Variants in AKAP1 observed in about 807,000 individuals in gnomAD.
AKAP1 encodes A-kinase anchoring protein 1, also known as A-kinase anchor protein 1, mitochondrial.
AKAP1 carries 32 observed loss-of-function variants against 79.8 expected under a neutral mutation model. The ratio of observed to expected loss-of-function variants is 0.40; its 90% CI spans 0.30 to 0.54. AKAP1 has a LOEUF of 0.54. Ranked by LOEUF, AKAP1 falls within the 20% of genes least tolerant of loss-of-function variation. AKAP1 has a pLI of 0.47. For missense variants in AKAP1, 961 were observed against 1,138.9 expected, an observed-to-expected ratio of 0.84 and a Z score of 2.25; for synonymous variants, 416 against 466.7, an observed-to-expected ratio of 0.89 and a Z score of 1.40.
chr17:57,111,646 T>G, intron 3 of AKAP1, 152 bp from the exon 4 acceptor site: 1 of 950,160 alleles, frequency 1.1e-6, no homozygotes, highest in Non-Finnish European at 1.6e-6. Flanking sequence ...TGAGTAAATG[T>G]AAGTGCTTAG....
chr17:57,111,045 T>TG (rs1350699816), intron 3 of AKAP1, among the ~76,000 whole-genome samples: 1 of 152,108 alleles, frequency 6.6e-6, no homozygotes, highest in Non-Finnish European at 1.5e-5. Flanking sequence ...GTTTCCTCCC[T>TG]GGGGGGCCCT....
In AKAP1 at chr17:57,114,515, C is replaced by T. The variant is rs61731971; in HGVS notation, c.2160C>T (p.Ala720=). The T allele has an allele frequency of 5.0e-4, 801 of 1,614,176 alleles. 3 individuals carry two copies. The East Asian group carries it at 8.5e-3, about 17-fold the overall frequency. The stretch of plus-strand genomic sequence containing the variant: ...TCATTGTGGTCAACCAGGTCAATGC[C>T]GGGCACCTGTTCGTGCAGCAGCACA... ...VEVIVVNQVN[A]GHLFVQQHTH... The change falls in exon 6 of 11, where the codon GCC becomes GCT. Residue 720 remains alanine, a synonymous_variant. Coordinates refer to ENST00000337714, the MANE Select transcript of AKAP1 (RefSeq NM_003488.4).
At chr17:57,104,906 T>C (rs1164889213) in intron 1 of AKAP1, among the ~76,000 whole-genome samples, 1 of 152,234 alleles carries the variant, frequency 6.6e-6, no homozygotes, top group Non-Finnish European at 1.5e-5. Context: ...TCCTTAGCCA[T>C]TGGGAATTTT....
intron 7 of AKAP1, among the ~76,000 whole-genome samples, chr17:57,116,488 G>A (rs1915593428): frequency 6.6e-6 from 1 of 152,222 alleles, no homozygotes; most frequent in African/African-American, 2.4e-5. Context: ...TCCTTCAAAA[G>A]TGAAGCTGGG....
chr17:57,093,512 AG>A (rs748165077), intron 1 of AKAP1: 8 of 152,206 alleles, frequency 5.3e-5, no homozygotes, highest in Non-Finnish European at 1.0e-4. Context: ...TCAGCTGGGC[AG>A]CTGGGGGTCT....
rs776093014 is a variant in AKAP1 at position 57,105,824 on chromosome 17, A to G, written c.360A>G (p.Arg120=). ...ILPNTTDMRL[R]PGTRRDDSTK... ...CTAACACCACAGACATGAGATTGCGACCAGGAACACGCAGAGATGACAGTA... is the reference window on the plus strand; with the variant it reads ...CTAACACCACAGACATGAGATTGCGGCCAGGAACACGCAGAGATGACAGTA... The change falls in exon 2 of 11, where the codon CGA becomes CGG. Residue 120 remains arginine (R), a synonymous_variant. Transcript: ENST00000337714. The G allele has an allele frequency of 4.2e-5, 67 of 1,614,244 alleles. No individual in the cohort carries two copies. Among genetic ancestry groups the G allele is most frequent in the Non-Finnish European group, 5.3e-5 (62 of 1,180,048 alleles).
In AKAP1 at chr17:57,106,430, G is replaced by C; in HGVS notation, c.966G>C (p.Glu322Asp). The C allele has an allele frequency of 6.7e-7, 1 of 1,483,130 alleles. No homozygotes were observed. Among genetic ancestry groups the C allele is most frequent in the Non-Finnish European group, 9.4e-7 (1 of 1,064,088 alleles). 91.9% of individuals were successfully genotyped at this position (1,483,130 alleles called of 1,614,324 possible). Residue 322 changes from glutamate to aspartate, a missense_variant, in exon 2 of 11, where the codon GAG becomes GAC. Glu to Asp is a conservative substitution (Grantham distance 45). Around this residue, in one of 3 missense-constraint regions of AKAP1, gnomAD observed 629 missense variants for 781.1 expected, o/e 0.81. Coordinates refer to ENST00000337714, the MANE Select transcript of AKAP1 (RefSeq NM_003488.4). ...AGGAGGGCTTGGATAGAAATGAGGAGGGCTTGGATAGAAATGAGGAGAGCT... is the reference window on the plus strand; with the variant it reads ...AGGAGGGCTTGGATAGAAATGAGGACGGCTTGGATAGAAATGAGGAGAGCT... The part of the protein sequence containing the change: ...RNEEGLDRNE[E>D]GLDRNEESLD...
intron 1 of AKAP1, chr17:57,093,620 A>G (rs1317899175): frequency 1.3e-5 from 2 of 152,234 alleles, no homozygotes; most frequent in Admixed American, 1.3e-4. Flanking sequence ...GATGGTTAAT[A>G]AGAAACATAA....
chr17:57,087,727 C>T (rs1295242359), intron 1 of AKAP1, among the ~76,000 whole-genome samples: 3 of 152,214 alleles, frequency 2.0e-5, no homozygotes, highest in African/African-American at 7.2e-5. Flanking sequence ...TCCTTAGCCT[C>T]TGACCCAGAA....
chr17:57,085,628 C>G (rs1486422240), intron 1 of AKAP1: 2 of 152,488 alleles, frequency 1.3e-5, no homozygotes, highest in Non-Finnish European at 2.9e-5. Context: ...TCCTTCCCCG[C>G]CGGTTGTCTG....
At position 57,121,186 on chromosome 17, in the gene AKAP1, A is replaced by G. The variant is rs1915899660; in HGVS notation, c.*862A>G. ...AGGTGACTGTATGGTAGAGACTGTG[A>G]TCTGGGAACTTTTTGCTGTACAAAT... On this transcript the variant is annotated 3_prime_UTR_variant, in exon 11 of 11. Coordinates refer to ENST00000337714, the MANE Select transcript of AKAP1 (RefSeq NM_003488.4). The G allele has an allele frequency of 6.6e-6, 1 of 151,974 alleles. No individual in the cohort carries two copies. The highest frequency in any genetic ancestry group is 1.5e-5 in the Non-Finnish European group (1 of 67,996). The allele number at this position is 151,974 out of a possible 1,614,324, so 9.4% of individuals were successfully genotyped here.
chr17:57,109,665 T>C (rs773107411), intron 2 of AKAP1, among the ~76,000 whole-genome samples: 1 of 152,170 alleles, frequency 6.6e-6, no homozygotes, highest in Admixed American at 6.5e-5. Flanking sequence ...CTCAGGACCA[T>C]GTGGACCTCA....
chr17:57,118,608 C>T (rs532402044), intron 9 of AKAP1, among the ~76,000 whole-genome samples, 154 bp downstream of exon 9: 1 of 152,266 alleles, frequency 6.6e-6, no homozygotes, highest in African/African-American at 2.4e-5. Flanking sequence ...AGTCTGTTCT[C>T]ACATTGCTGT....
At position 57,106,261 on chromosome 17, in the gene AKAP1, A is replaced by G; in HGVS notation, c.797A>G (p.Lys266Arg). 1.2e-6 allele frequency: 2 copies of G among 1,614,182 alleles called. No individual in the cohort carries two copies. The highest frequency in any genetic ancestry group is 1.7e-6 in the Non-Finnish European group (2 of 1,180,040). ...PVQEEEYVAE[K>R]LPSRFIESAH... ...CAGGAGGAAGAGTATGTAGCAGAGA[A>G]GTTGCCAAGTAGGTTCATCGAGTCG... is the stretch of plus-strand genomic sequence containing the variant. The change falls in exon 2 of 11, where the codon AAG becomes AGG. Residue 266 changes from lysine (K) to arginine (R), a missense_variant. Around this residue, in one of 3 missense-constraint regions of AKAP1, gnomAD observed 224 missense variants for 210.2 expected, o/e 1.07. Coordinates refer to ENST00000337714, the MANE Select transcript of AKAP1 (RefSeq NM_003488.4).
At position 57,106,612 on chromosome 17, in the gene AKAP1, G is replaced by A. The variant is rs1397975004; in HGVS notation, c.1148G>A (p.Gly383Glu). ...GRVCQASQLQGQKEESCVPVH... is the reference protein window; with the variant it reads ...GRVCQASQLQEQKEESCVPVH... ...GTGTGTCAGGCCAGTCAGCTCCAAG[G>A]GCAGAAGGAAGAGAGCTGTGTCCCA... Residue 383 changes from glycine (G) to glutamate (E), a missense_variant, in exon 2 of 11, where the codon GGG (glycine) becomes GAG (glutamate). Transcript: ENST00000337714. 3 of 1,614,036 alleles carry A rather than the reference G, an allele frequency of 1.9e-6. No individual in the cohort carries two copies. Among genetic ancestry groups the A allele is most frequent in the Non-Finnish European group, 2.5e-6 (3 of 1,180,040 alleles).
chr17:57,100,884 C>CT (rs1174871572), intron 1 of AKAP1, among the ~76,000 whole-genome samples: 3 of 152,052 alleles, frequency 2.0e-5, no homozygotes, highest in African/African-American at 7.2e-5. Flanking sequence ...ACAAAATTAG[C>CT]TGGGTGTGGT....
intron 3 of AKAP1, 23 bp downstream of exon 3, chr17:57,110,181 T>C (rs1045934888): frequency 2.5e-6 from 4 of 1,612,484 alleles, no homozygotes; most frequent in Non-Finnish European, 3.4e-6. Flanking sequence ...TCCCCCAGGC[T>C]GGTTCTGTGG....
In AKAP1 at chr17:57,118,419, A is replaced by C. The variant is rs141664795; in HGVS notation, c.2539A>C (p.Ser847Arg). 1 of 1,614,002 alleles carries C rather than the reference A, an allele frequency of 6.2e-7. No homozygotes were observed. Among genetic ancestry groups the C allele is most frequent in the East Asian group, 2.2e-5 (1 of 44,876 alleles). Residue 847 changes from serine to arginine, a missense_variant, in exon 9 of 11, where the codon AGC becomes CGC. Physicochemically the swap from Ser to Arg is moderately radical, Grantham distance 110. Around this residue, in one of 3 missense-constraint regions of AKAP1, gnomAD observed 629 missense variants for 781.1 expected, o/e 0.81. Transcript: ENST00000337714. ...QFSPEADAAM[S>R]EMTGNTALLA... is the part of the protein sequence containing the mutation. ...TTCACCGGAAGCAGATGCCGCCATGAGCGAGATGACGGGGAATACAGCACT... is the reference window on the plus strand; with the variant it reads ...TTCACCGGAAGCAGATGCCGCCATGCGCGAGATGACGGGGAATACAGCACT...
intron 3 of AKAP1, among the ~76,000 whole-genome samples, chr17:57,111,028 C>T (rs970285978): frequency 1.3e-5 from 2 of 152,090 alleles, no homozygotes; most frequent in Non-Finnish European, 2.9e-5. Flanking sequence ...TGCGAGGTCT[C>T]TTGGTGGTTT....
Sources: allele counts gnomAD v4.1 joint callset (sites outside exome capture counted in the v4.1 genomes callset), GRCh38; gene constraint gnomAD v4.1.1; regional missense constraint gnomAD v4.1.1; transcripts MANE v1.5; gene names NCBI Gene and HGNC (gene_info 2026-07-23, HGNC 2026-07-21).